PDZD9: variants seen among roughly 807,000 people sequenced by gnomAD.
PDZD9 encodes the protein PDZ domain-containing protein 9.
A neutral mutation model predicts 16.3 loss-of-function variants in PDZD9; 13 were observed. The observed-to-expected ratio is 0.80, with a 90% CI of 0.52 to 1.27. PDZD9 has a LOEUF of 1.27. Ranked by LOEUF, PDZD9 falls within the 50% of genes most tolerant of loss-of-function variation. The pLI, the probability that PDZD9 is intolerant of heterozygous loss-of-function variation, is 0.00. For synonymous variants in PDZD9, 120 were observed against 111.0 expected, an observed-to-expected ratio of 1.08 and a Z score of -0.51; for missense variants, 288 against 310.9, an observed-to-expected ratio of 0.93 and a Z score of 0.55.
chr16:21,978,607 A>G, the PDZD9 span, among the ~76,000 whole-genome samples: 1 of 152,202 alleles, frequency 6.6e-6, no homozygotes, highest in South Asian at 2.1e-4. Flanking sequence ...ACATTAAAAT[A>G]GTTTTACCTA....
Position 21,988,712 on chromosome 16 carries a change from G to T in PDZD9, c.291C>A (p.Ile97=). The T allele has an allele frequency of 6.2e-7, 1 of 1,612,916 alleles. No individual in the cohort carries two copies. The highest frequency in any genetic ancestry group is 1.3e-5 in the African/African-American group (1 of 74,982). ...LREFLQLLQH[I]TIGTVLQIKV... ...TGATTTGTAGCACTGTTCCAATAGT[G>T]ATATGTTGCAAAAGCTGTAAAAATT... Residue 97 remains isoleucine (I), a synonymous_variant, in exon 3 of 4, where the codon ATC becomes ATA. Transcript: ENST00000424898.
At chr16:21,980,712 A>G, downstream of PDZD9, 1 of 1,612,426 alleles carries the variant, frequency 6.2e-7, no homozygotes, top group African/African-American at 1.3e-5. Flanking sequence ...TAAGTAAATG[A>G]AAACTTAACG....
chr16:21,960,824 CT>C, the PDZD9 span, among the ~76,000 whole-genome samples: 1 of 151,330 alleles, frequency 6.6e-6, no homozygotes, highest in East Asian at 1.9e-4. Context: ...AACAGCATTT[CT>C]TTTTTTTTAA....
At chr16:21,964,866 T>C in the PDZD9 span, among the ~76,000 whole-genome samples, 1 of 152,168 alleles carries the variant, frequency 6.6e-6, no homozygotes, top group Non-Finnish European at 1.5e-5. Flanking sequence ...TGCCAGGTAA[T>C]GAGCAACTGA....
intron 2 of PDZD9, among the ~76,000 whole-genome samples, chr16:21,993,210 C>T (rs902038618): frequency 6.6e-6 from 1 of 152,156 alleles, no homozygotes; most frequent in Non-Finnish European, 1.5e-5. Context: ...AAATTCAAGA[C>T]TGCTTCTAAC....
At chr16:21,957,634 C>CT in the PDZD9 span, 1 of 1,566,322 alleles carries the variant, frequency 6.4e-7, no homozygotes, top group Non-Finnish European at 8.6e-7. Flanking sequence ...AAAAGAAAAA[C>CT]TAAGATCAAT....
At chr16:21,998,121 G>A (rs1379143021) in intron 1 of PDZD9, among the ~76,000 whole-genome samples, 1 of 152,154 alleles carries the variant, frequency 6.6e-6, no homozygotes, top group African/African-American at 2.4e-5. Context: ...GCAACTGGGG[G>A]CAGGATACGC....
intron 1 of PDZD9, chr16:21,999,619 C>CA (rs950428031): frequency 4.0e-5 from 6 of 150,316 alleles, no homozygotes; most frequent in Non-Finnish European, 8.9e-5. Context: ...TGATGCTGTG[C>CA]GGAAAAAAGC....
At chr16:21,981,828 G>A (rs1167739415), downstream of PDZD9, among the ~76,000 whole-genome samples, 1 of 151,162 alleles carries the variant, frequency 6.6e-6, no homozygotes, top group Non-Finnish European at 1.5e-5. Context: ...CGCCCCAATC[G>A]TCATTTCATA....
chr16:21,992,706 AG>A (rs1899052665), intron 2 of PDZD9, among the ~76,000 whole-genome samples: 1 of 152,152 alleles, frequency 6.6e-6, no homozygotes, highest in African/African-American at 2.4e-5. Context: ...TCAGGCCTTC[AG>A]CCACAGACTG....
At position 21,984,656 on chromosome 16, in the gene PDZD9, G is replaced by A; in HGVS notation, c.406C>T (p.Pro136Ser). The change falls in exon 4 of 4, where the codon CCA becomes TCA. Residue 136 changes from proline to serine, a missense_variant. Transcript: ENST00000424898. ...PEAKFPVTST[P>S]KKIELAKDES... The stretch of plus-strand genomic sequence containing the variant: ...TCTTTTGCCAGCTCAATTTTCTTTG[G>A]TGTGCTGAAATGAAAAGAATAGTGA... 1 of 1,502,850 alleles carries A rather than the reference G, an allele frequency of 6.7e-7. No individual in the cohort carries two copies. The highest frequency in any genetic ancestry group is 1.9e-4 in the Middle Eastern group (1 of 5,338). The allele number at this position is 1,502,850 out of a possible 1,614,324, so 93.1% of individuals were successfully genotyped here. A position where few individuals can be genotyped will look rare whatever the true frequency, so the allele number is the denominator to read the frequency against.
intron 1 of PDZD9, among the ~76,000 whole-genome samples, chr16:22,000,604 C>T (rs1447890190): frequency 6.6e-6 from 1 of 152,018 alleles, no homozygotes; most frequent in Non-Finnish European, 1.5e-5. Context: ...GCGGGCGGAT[C>T]ACTTGAGGTC....
the PDZD9 span, among the ~76,000 whole-genome samples, chr16:21,966,923 A>G: frequency 6.6e-6 from 1 of 152,238 alleles, no homozygotes; most frequent in East Asian, 1.9e-4. Flanking sequence ...ACAGTATTCA[A>G]CCATTCAAAA....
the PDZD9 span, among the ~76,000 whole-genome samples, chr16:21,967,132 ACT>A: frequency 2.0e-5 from 3 of 152,166 alleles, no homozygotes; most frequent in Admixed American, 1.3e-4. Context: ...GCTAAAGGAA[ACT>A]CTAAAGAAAT....
the PDZD9 span, among the ~76,000 whole-genome samples, chr16:21,978,094 C>T: frequency 6.6e-6 from 1 of 152,068 alleles, no homozygotes; most frequent in Non-Finnish European, 1.5e-5. Flanking sequence ...TGGTAATAAG[C>T]AGAAAGTAGA....
Position 22,001,057 on chromosome 16 carries a change from AGGTCAGGCAGCCC to A in PDZD9, c.-23_-11del. 6.6e-7 allele frequency: 1 copy of A among 1,525,466 alleles called. No homozygotes were observed. 94.5% of individuals were successfully genotyped at this position (1,525,466 alleles called of 1,614,324 possible). A position where few individuals can be genotyped will look rare whatever the true frequency, so the allele number is the denominator to read the frequency against. ...GGGAGGCCTTCTGCATGGTCCCGGG[AGGTCAGGCAGCCC>A]GGGAGGGCCTCCCGGAGCAGAGGCT... On this transcript the variant is annotated 5_prime_UTR_variant, in exon 1 of 4. Transcript: ENST00000424898.
chr16:21,974,743 G>A, the PDZD9 span, among the ~76,000 whole-genome samples: 15 of 152,162 alleles, frequency 9.9e-5, no homozygotes, highest in Non-Finnish European at 1.5e-4. Context: ...CAAAAAGATC[G>A]GAGCAGATAT....
At chr16:21,976,318 T>C in the PDZD9 span, 5 of 1,273,480 alleles carry the variant, frequency 3.9e-6, no homozygotes, top group South Asian at 6.1e-5. Context: ...ATAACAATAT[T>C]ACAATCTATG....
At chr16:21,962,929 T>C in the PDZD9 span, 1 of 1,560,812 alleles carries the variant, frequency 6.4e-7, no homozygotes, top group South Asian at 1.2e-5. Flanking sequence ...GATACTGGGT[T>C]TTTTAGAAGA....
Sources: gnomAD v4.1 joint callset for allele counts (sites outside exome capture counted in the v4.1 genomes callset) on GRCh38, gnomAD v4.1.1 for gene constraint, MANE v1.5 for transcripts, NCBI Gene and HGNC (gene_info 2026-07-23, HGNC 2026-07-21) for gene names.